The following DHX37 variants were observed in gnomAD, a reference collection of about 807,000 sequenced individuals.
DHX37 encodes DEAH-box helicase 37.
DHX37 carries 52 observed loss-of-function variants against 134.3 expected under a neutral mutation model. The observed-to-expected ratio is 0.39, with a 90% CI of 0.31 to 0.49. The LOEUF is 0.49. DHX37 is among the 20% of genes least tolerant of loss of function. The pLI is 0.93. For missense variants in DHX37, 1,344 were observed against 1,580.8 expected, an observed-to-expected ratio of 0.85 and a Z score of 2.54; for synonymous variants, 634 against 670.7, an observed-to-expected ratio of 0.95 and a Z score of 0.85.
chr12:124,958,709 C>T (rs1040357875), intron 16 of DHX37, among the ~76,000 whole-genome samples: 8 of 152,124 alleles, frequency 5.3e-5, no homozygotes, highest in Non-Finnish European at 1.0e-4. Flanking sequence ...TCACTGCAAC[C>T]TCTGCCTCTT....
At chr12:124,971,214 G>A (rs555422526) in intron 8 of DHX37, 88 bp downstream of exon 8, 52 of 1,535,528 alleles carry the variant, frequency 3.4e-5, no homozygotes, top group East Asian at 3.2e-4. Flanking sequence ...AGGGTACAAC[G>A]GGGAACAGGT....
chr12:124,950,712 C>A lies in DHX37; in HGVS notation c.2961G>T (p.Glu987Asp). 1 of 1,611,742 alleles carries A rather than the reference C, an allele frequency of 6.2e-7. No individual in the cohort carries two copies. Among genetic ancestry groups the A allele is most frequent in the South Asian group, 1.1e-5 (1 of 90,710 alleles). ...CACCTTTCATGTACATCTTAGTGGT[C>A]TCCACGATTTCCTGGTAGACCACAA... ...PEFVVYQEIV[E>D]TTKMYMKGVS... Residue 987 changes from glutamate to aspartate, a missense_variant, in exon 22 of 27, where the codon GAG becomes GAT. Transcript: ENST00000308736.
intron 8 of DHX37, among the ~76,000 whole-genome samples, 157 bp downstream of exon 8, chr12:124,971,145 G>A (rs1043284525): frequency 1.3e-5 from 2 of 152,202 alleles, no homozygotes; most frequent in African/African-American, 4.8e-5. Flanking sequence ...CTGGCACTAG[G>A]CCTAGACCTA....
chr12:124,958,158 G>C (rs1188252603), intron 16 of DHX37, among the ~76,000 whole-genome samples: 1 of 152,182 alleles, frequency 6.6e-6, no homozygotes, highest in Middle Eastern at 3.2e-3. Flanking sequence ...GGTGATGTCC[G>C]CACAACTTTG....
intron 5 of DHX37, among the ~76,000 whole-genome samples, chr12:124,976,325 G>A (rs186117983): frequency 5.3e-5 from 8 of 152,338 alleles, no homozygotes; most frequent in Non-Finnish European, 8.8e-5. Context: ...GCTGAGTCCT[G>A]GGAGTCCCCG....
chr12:124,956,761 C>T lies in DHX37; in HGVS notation c.2383G>A (p.Gly795Ser), dbSNP rs748162604. Residue 795 changes from glycine to serine, a missense_variant, in exon 18 of 27, where the codon GGC (glycine) becomes AGC (serine). Gly to Ser is a moderately conservative substitution (Grantham distance 56). Around this residue, in one of 7 missense-constraint regions of DHX37, gnomAD observed 558 missense variants for 650.0 expected, o/e 0.86. Coordinates refer to ENST00000308736, the MANE Select transcript of DHX37 (RefSeq NM_032656.4). Reference protein sequence around the residue: ...AKMLALSRQHGCLPYAITIVA... With the variant: ...AKMLALSRQHSCLPYAITIVA... Reference sequence around the variant, plus strand: ...ATGGTGATGGCATAGGGCAGGCAGCCGTGTTGTCGGCTCAGTGCCAGCATC... The same window carrying T: ...ATGGTGATGGCATAGGGCAGGCAGCTGTGTTGTCGGCTCAGTGCCAGCATC... 2 of 1,610,012 alleles carry T rather than the reference C, an allele frequency of 1.2e-6. No individual in the cohort carries two copies. Among genetic ancestry groups the T allele is most frequent in the East Asian group, 2.2e-5 (1 of 44,700 alleles).
rs537695253 is a variant in DHX37, at chr12:124,971,213, C to T, written c.1191+89G>A. 4.3e-5 allele frequency: 66 copies of T among 1,533,506 alleles called. No homozygotes were observed. The East Asian group carries it at 9.3e-4, about 22-fold the overall frequency. 95.0% of individuals were successfully genotyped at this position (1,533,506 alleles called of 1,614,324 possible). A position where few individuals can be genotyped will look rare whatever the true frequency, so the allele number is the denominator to read the frequency against. On this transcript the variant is annotated intron_variant, in intron 8 of 26. Transcript: ENST00000308736. The stretch of plus-strand genomic sequence containing the variant: ...CTCATGGCAGCAGCCCAGGGTACAA[C>T]GGGGAACAGGTGAAGGAAGCCCAAG...
At position 124,965,761 on chromosome 12, in the gene DHX37, C is replaced by G. The variant is rs774480456; in HGVS notation, c.1642G>C (p.Gly548Arg). 6.2e-7 allele frequency: 1 copy of G among 1,613,742 alleles called. No homozygotes were observed. Among genetic ancestry groups the G allele is most frequent in the Non-Finnish European group, 8.5e-7 (1 of 1,179,928 alleles). The change falls in exon 13 of 27, where the codon GGC (glycine) becomes CGC (arginine). Residue 548 changes from glycine (G) to arginine (R), a missense_variant. Gly to Arg is a moderately radical substitution (Grantham distance 125). This residue lies in a region of DHX37 where 289 missense variants were observed against 323.8 expected (regional missense o/e 0.89). Coordinates refer to ENST00000308736, the MANE Select transcript of DHX37 (RefSeq NM_032656.4). ...ACTTCTGCCTCCCTGTCCTCATCGCCTTCGCCTGCCGGTAACACCGAGTAA... is the reference window on the plus strand; with the variant it reads ...ACTTCTGCCTCCCTGTCCTCATCGCGTTCGCCTGCCGGTAACACCGAGTAA... ...DHYSVLPAGEGDEDREAEVDE... is the reference protein window; with the variant it reads ...DHYSVLPAGERDEDREAEVDE...
At chr12:124,956,092 A>G (rs1017509776) in intron 18 of DHX37, among the ~76,000 whole-genome samples, 20 of 152,242 alleles carry the variant, frequency 1.3e-4, no homozygotes, top group Non-Finnish European at 4.4e-5. Context: ...GGCTTTGCAC[A>G]AGATGCAGAG....
chr12:124,975,640 C>T (rs1443447800), intron 5 of DHX37, 129 bp from the exon 6 acceptor site: 1 of 891,106 alleles, frequency 1.1e-6, no homozygotes, highest in Non-Finnish European at 1.7e-6. Context: ...GGAAACAGTG[C>T]CAGGTTGCAC....
rs1429645193 is a variant in DHX37 at position 124,980,340 on chromosome 12, C to T, written c.738+150G>A. The stretch of plus-strand genomic sequence containing the variant: ...CTCGCGCACCAATCCCTGCCACAGC[C>T]TCAAGGGAGGCGCAGTCACTCTCCC... On this transcript the variant is annotated intron_variant, in intron 4 of 26. Transcript: ENST00000308736. The surrounding 1 kb of genome is among the most constrained non-coding windows in gnomAD (Gnocchi z 5.3). The T allele has an allele frequency of 1.1e-6, 1 of 947,026 alleles. No individual in the cohort carries two copies. The highest frequency in any genetic ancestry group is 1.5e-6 in the Non-Finnish European group (1 of 659,766). 58.7% of individuals were successfully genotyped at this position (947,026 alleles called of 1,614,324 possible).
intron 1 of DHX37, 91 bp downstream of exon 1, chr12:124,988,826 C>G (rs901330516): frequency 1.3e-6 from 1 of 761,702 alleles, no homozygotes; most frequent in Non-Finnish European, 1.9e-6. Context: ...CATCCCACCC[C>G]TCTGGGATCC....
Position 124,980,927 on chromosome 12 carries a change from G to T in DHX37, c.390-89C>A. ...AAGGCCATACCCCTTTCTGCCTCAG[G>T]GACTTTGCACCTGCTGTTCCACTCC... is the stretch of plus-strand genomic sequence containing the variant. On this transcript the variant is annotated intron_variant, in intron 3 of 26. Transcript: ENST00000308736. This position sits in a 1 kb window ranked among gnomAD's most constrained non-coding sequence, Gnocchi z 5.3. 7.0e-7 allele frequency: 1 copy of T among 1,425,530 alleles called. No individual in the cohort carries two copies. Among genetic ancestry groups the T allele is most frequent in the Non-Finnish European group, 9.4e-7 (1 of 1,067,848 alleles). 88.3% of individuals were successfully genotyped at this position (1,425,530 alleles called of 1,614,324 possible). A position where few individuals can be genotyped will look rare whatever the true frequency, so the allele number is the denominator to read the frequency against.
intron 20 of DHX37, chr12:124,952,832 C>G (rs1394256742): frequency 3.3e-6 from 1 of 305,078 alleles, no homozygotes; most frequent in Non-Finnish European, 6.0e-6. Flanking sequence ...GACAGCCCTC[C>G]CCTAACACCC....
chr12:124,961,960 T>C (rs1474505488), intron 15 of DHX37, among the ~76,000 whole-genome samples: 1 of 148,932 alleles, frequency 6.7e-6, no homozygotes, highest in Non-Finnish European at 1.5e-5. Flanking sequence ...AAAAAAAAAG[T>C]GGGGGTGGGT....
At chr12:124,961,316 T>A (rs568009587) in intron 15 of DHX37, among the ~76,000 whole-genome samples, 2 of 134,490 alleles carry the variant, frequency 1.5e-5, no homozygotes, top group African/African-American at 6.8e-5. Flanking sequence ...GCACACACAC[T>A]TACATACACA....
chr12:124,951,110 T>C (rs1396675207), intron 21 of DHX37, among the ~76,000 whole-genome samples: 1 of 152,040 alleles, frequency 6.6e-6, no homozygotes, highest in Admixed American at 6.6e-5. Context: ...TGAAACCCCA[T>C]TTCTACTAAA....
At chr12:124,956,624 G>T in intron 18 of DHX37, 67 bp downstream of exon 18, 1 of 1,463,150 alleles carries the variant, frequency 6.8e-7, no homozygotes. Context: ...GAGTAGCTGG[G>T]ACTCTCAGCC....
At chr12:124,988,786 G>C in intron 1 of DHX37, 131 bp downstream of exon 1, 1 of 446,204 alleles carries the variant, frequency 2.2e-6, no homozygotes, top group Non-Finnish European at 3.9e-6. Context: ...ATCTGGAATG[G>C]GGGGACCCAT....
Sources: allele counts gnomAD v4.1 joint callset (sites outside exome capture counted in the v4.1 genomes callset), GRCh38; gene constraint gnomAD v4.1.1; regional missense constraint gnomAD v4.1.1; non-coding constraint Gnocchi (gnomAD v3.1); transcripts MANE v1.5; gene names NCBI Gene and HGNC (gene_info 2026-07-23, HGNC 2026-07-21).